Variants in CLIC5 observed in about 807,000 individuals in gnomAD.
The protein encoded by CLIC5 is chloride intracellular channel protein 5.
CLIC5 carries 20 observed loss-of-function variants against 24.7 expected under a neutral mutation model. The observed-to-expected ratio is 0.81, with a 90% CI of 0.57 to 1.18. The LOEUF (loss-of-function observed/expected upper bound fraction) is 1.18, where lower values mean the gene tolerates loss of function less well. Ranked by LOEUF, CLIC5 falls within the 50% of genes most tolerant of loss-of-function variation. The pLI, the probability that CLIC5 is intolerant of heterozygous loss-of-function variation, is 0.00. For synonymous variants in CLIC5, 159 were observed against 135.6 expected, an observed-to-expected ratio of 1.17 and a Z score of -1.20; for missense variants, 341 against 326.1, an observed-to-expected ratio of 1.05 and a Z score of -0.35.
At chr6:45,920,663 A>G in intron 4 of CLIC5, 1 of 979,262 alleles carries the variant, frequency 1.0e-6, no homozygotes, top group Non-Finnish European at 1.2e-6. Flanking sequence ...ATCTGTTGGA[A>G]GAAGAAGCCT....
Position 46,027,049 on chromosome 6 carries a change from G to A in CLIC5, c.540+52654C>T, listed in dbSNP as rs367829417. Among the ~76,000 whole-genome samples the A allele has an allele frequency of 1.5e-4, 23 of 152,124 alleles. No homozygotes were observed. In the East Asian group the frequency reaches 2.7e-3, roughly 18 times the overall value. On this transcript the variant is annotated intron_variant, in intron 1 of 5. Transcript: ENST00000185206. Reference sequence around the variant, plus strand: ...CACCTATTTATATCTTAGGTGCTCCGAGAGACATTGAATATACCTTAGGGA... The same window carrying A: ...CACCTATTTATATCTTAGGTGCTCCAAGAGACATTGAATATACCTTAGGGA...
intron 1 of CLIC5, among the ~76,000 whole-genome samples, chr6:46,035,730 G>A (rs897190116): frequency 7.9e-5 from 12 of 151,572 alleles, no homozygotes; most frequent in African/African-American, 2.9e-4. Flanking sequence ...AGAGCTGGTG[G>A]TTTTCTTTTT....
At chr6:45,883,741 G>A (rs1273255226) in intron 6 of CLIC5, 1 of 152,240 alleles carries the variant, frequency 6.6e-6, no homozygotes, top group African/African-American at 2.4e-5. Flanking sequence ...GCCACAAGGG[G>A]ACTAAACATG....
the CLIC5 span, among the ~76,000 whole-genome samples, chr6:46,109,481 C>A: frequency 8.2e-6 from 1 of 122,670 alleles, no homozygotes; most frequent in Middle Eastern, 6.8e-3. Flanking sequence ...AGATCGAGAC[C>A]ATCCTGGCCA....
intron 1 of CLIC5, among the ~76,000 whole-genome samples, chr6:46,040,588 G>A (rs561203800): frequency 2.5e-4 from 38 of 152,078 alleles, no homozygotes; most frequent in African/African-American, 9.2e-4. Flanking sequence ...GGTGGTGGTG[G>A]TGTTCGTGAA....
At chr6:46,043,111 C>T (rs74960891) in intron 1 of CLIC5, among the ~76,000 whole-genome samples, 8,662 of 152,194 alleles carry the variant, frequency 0.057, 279 homozygotes, top group Non-Finnish European at 0.072. Context: ...AATGACTTTG[C>T]GTCATTAGCA....
In CLIC5 at chr6:45,885,589, C is replaced by T. The variant is rs1326163335; in HGVS notation, c.624-4401G>A. Among the ~76,000 whole-genome samples, 3 of 152,136 alleles carry T rather than the reference C, an allele frequency of 2.0e-5. No homozygotes were observed. In the East Asian group the frequency reaches 5.8e-4, roughly 29 times the overall value. On this transcript the variant is annotated intron_variant, in intron 6 of 6. Coordinates refer to the CLIC5 transcript ENST00000644324. ...ATGTGTGGACAATGCTTTCCCATTGCGGATACAAATCTGACAGAGAAAAGA... is the reference window on the plus strand; with the variant it reads ...ATGTGTGGACAATGCTTTCCCATTGTGGATACAAATCTGACAGAGAAAAGA...
At chr6:45,903,353 C>T (rs1762561942) in intron 5 of CLIC5, 98 bp from the exon 6 acceptor site, 2 of 1,058,608 alleles carry the variant, frequency 1.9e-6, no homozygotes, top group South Asian at 3.6e-5. Context: ...CTGCAGGAAA[C>T]CTCCGTGCAT....
At chr6:46,055,673 T>C (rs1432116165) in intron 1 of CLIC5, among the ~76,000 whole-genome samples, 3 of 152,246 alleles carry the variant, frequency 2.0e-5, no homozygotes, top group Non-Finnish European at 4.4e-5. Context: ...CATAAGCATC[T>C]TGCACCGCAT....
At chr6:45,966,738 C>G (rs1765027005) in intron 1 of CLIC5, among the ~76,000 whole-genome samples, 1 of 152,182 alleles carries the variant, frequency 6.6e-6, no homozygotes, top group Non-Finnish European at 1.5e-5. Flanking sequence ...CTACACTGTT[C>G]TTCTTCACCT....
At chr6:46,114,351 T>A in the CLIC5 span, among the ~76,000 whole-genome samples, 1 of 152,202 alleles carries the variant, frequency 6.6e-6, no homozygotes, top group African/African-American at 2.4e-5. Flanking sequence ...AAATTTTACC[T>A]ATTGGCAGCA....
intron 1 of CLIC5, among the ~76,000 whole-genome samples, chr6:45,995,979 G>A (rs1014597090): frequency 6.6e-6 from 1 of 152,102 alleles, no homozygotes; most frequent in African/African-American, 2.4e-5. Flanking sequence ...GCTGGGGTGG[G>A]GGGAGAGAGA....
chr6:46,027,267 CT>C (rs1197182460), intron 1 of CLIC5, among the ~76,000 whole-genome samples: 1 of 152,174 alleles, frequency 6.6e-6, no homozygotes, highest in Non-Finnish European at 1.5e-5. Flanking sequence ...GAAGGCCTCT[CT>C]GAAGTGATGA....
At position 45,983,873 on chromosome 6, in the gene CLIC5, TACTTG is replaced by T. The variant is rs141894434; in HGVS notation, c.64-28634_64-28630del. On this transcript the variant is annotated intron_variant, in intron 1 of 5. Coordinates refer to ENST00000339561, the MANE Select transcript of CLIC5 (RefSeq NM_016929.5). ...AATAGCACTTTTTATCACCTGAAAT[TACTTG>T]ACTTATTTCTTTATATCTTCTCTGT... is the stretch of plus-strand genomic sequence containing the variant. Among the ~76,000 whole-genome samples, 446 of 152,308 alleles carry T rather than the reference TACTTG, an allele frequency of 2.9e-3. 3 individuals are homozygous for T. Among genetic ancestry groups the T allele is most frequent in the African/African-American group, 0.01 (418 of 41,562 alleles).
chr6:45,975,568 GT>G, intron 1 of CLIC5, among the ~76,000 whole-genome samples: 1 of 152,188 alleles, frequency 6.6e-6, no homozygotes, highest in South Asian at 2.1e-4. Flanking sequence ...GCAAGTGCTT[GT>G]TTCTGTCTAG....
At chr6:45,912,363 G>T in intron 5 of CLIC5, 1 of 1,055,802 alleles carries the variant, frequency 9.5e-7, no homozygotes, top group Non-Finnish European at 1.1e-6. Flanking sequence ...CCAAGGACAG[G>T]GCTTCACTGA....
upstream of CLIC5, among the ~76,000 whole-genome samples, chr6:46,082,733 T>A (rs1458855544): frequency 6.6e-6 from 1 of 152,208 alleles, no homozygotes; most frequent in Non-Finnish European, 1.5e-5. Context: ...GACTGTCCTG[T>A]TTAAAATGAC....
intron 3 of CLIC5, among the ~76,000 whole-genome samples, chr6:45,946,077 C>T (rs1005869130): frequency 8.9e-4 from 135 of 152,298 alleles, no homozygotes; most frequent in African/African-American, 2.8e-3. Flanking sequence ...TAGTTTCACC[C>T]CCTCATTTTA....
the CLIC5 span, among the ~76,000 whole-genome samples, chr6:46,124,028 T>G: frequency 6.6e-6 from 1 of 152,030 alleles, no homozygotes; most frequent in African/African-American, 2.4e-5. Context: ...TATAGATTCA[T>G]TGCCATCCCC....
Sources: gnomAD v4.1 joint callset for allele counts (sites outside exome capture counted in the v4.1 genomes callset) on GRCh38, gnomAD v4.1.1 for gene constraint, MANE v1.5 for transcripts, NCBI Gene and HGNC (gene_info 2026-07-23, HGNC 2026-07-21) for gene names.